DPP4: variants seen among roughly 807,000 people sequenced by gnomAD.
DPP4 encodes the protein ADCP-2.
Under a neutral mutation model 122.4 loss-of-function variants are expected in DPP4, and 93 were observed. That is an observed-to-expected ratio of 0.76 (90% CI 0.64 to 0.90). The LOEUF (loss-of-function observed/expected upper bound fraction) is 0.90, where lower values mean the gene tolerates loss of function less well. DPP4 is among the 40% of genes least tolerant of loss of function. The pLI is 0.00. For synonymous variants in DPP4, 321 were observed against 302.9 expected (o/e 1.06, Z -0.62); for missense variants, 914 against 907.3 (o/e 1.01, Z -0.09).
chr2:162,015,311 A>G (rs1055723053), intron 18 of DPP4, among the ~76,000 whole-genome samples: 3 of 152,212 alleles, frequency 2.0e-5, no homozygotes, highest in African/African-American at 7.2e-5. Flanking sequence ...TGAAAAGAAA[A>G]GAAAGATTTG....
chr2:162,020,318 C>CAAA, intron 13 of DPP4, 22 bp from the exon 14 acceptor site: 39 of 949,986 alleles, frequency 4.1e-5, no homozygotes, highest in Admixed American at 1.8e-4. Context: ...TTTTTTTTTT[C>CAAA]AAAAAAAAAA....
rs780145932 is a variant in DPP4, at chr2:161,995,037, G to T, written c.2126-3C>A. ...TGACTGCTGAAAGTGAACGTTATCT[G>T]CAGGGAGAGAAAGGAAACATAAAGT... On this transcript the variant is annotated splice_polypyrimidine_tract_variant and splice_region_variant and intron_variant, in intron 24 of 25. Coordinates refer to ENST00000360534, the MANE Select transcript of DPP4 (RefSeq NM_001935.4). 13 of 1,613,970 alleles carry T rather than the reference G, an allele frequency of 8.1e-6. 1 individual carries two copies. Among genetic ancestry groups the T allele is most frequent in the Non-Finnish European group, 9.3e-6 (11 of 1,179,934 alleles).
chr2:162,005,947 T>C (rs754215717), intron 22 of DPP4, 138 bp from the exon 23 acceptor site: 35 of 741,556 alleles, frequency 4.7e-5, no homozygotes, highest in Non-Finnish European at 6.1e-5. Context: ...AGTATCTCTA[T>C]GTGGTTATGA....
At chr2:162,014,949 A>AGTCATCCC (rs1682856122) in intron 18 of DPP4, among the ~76,000 whole-genome samples, 2 of 152,220 alleles carry the variant, frequency 1.3e-5, no homozygotes, top group African/African-American at 4.8e-5. Flanking sequence ...CCAGACCGCA[A>AGTCATCCC]AGCTGAGTTC....
chr2:162,046,656 A>G (rs913477521), intron 4 of DPP4: 1 of 551,970 alleles, frequency 1.8e-6, no homozygotes, highest in African/African-American at 1.9e-5. Flanking sequence ...GAGCATGCAA[A>G]GTGAAGAGGG....
intron 16 of DPP4, among the ~76,000 whole-genome samples, chr2:162,018,261 T>G (rs1682992949): frequency 6.6e-6 from 1 of 152,234 alleles, no homozygotes; most frequent in Admixed American, 6.5e-5. Context: ...TTTTGAATCC[T>G]GTTGTGCCTG....
At position 162,047,291 on chromosome 2, in the gene DPP4, T is replaced by C. The variant is rs539011345; in HGVS notation, c.193+112A>G. On this transcript the variant is annotated intron_variant, in intron 3 of 25. Coordinates refer to ENST00000360534, the MANE Select transcript of DPP4 (RefSeq NM_001935.4). ...AGAAAAAGAAAAAAAAAACTCTCTA[T>C]AGAATTTTTAAAAACAAGGATTACC... 3.2e-5 allele frequency: 19 copies of C among 597,404 alleles called. 1 individual carries two copies. The South Asian group carries it at 6.3e-4, about 20-fold the overall frequency. The allele number at this position is 597,404 out of a possible 1,614,324, so 37.0% of individuals were successfully genotyped here.
Position 162,011,899 on chromosome 2 carries a change from C to G in DPP4, c.1726G>C (p.Ala576Pro). 6.2e-7 allele frequency: 1 copy of G among 1,613,802 alleles called. No individual in the cohort carries two copies. Residue 576 changes from alanine to proline, a missense_variant, in exon 20 of 26, where the codon GCT becomes CCT. Ala to Pro is a conservative substitution (Grantham distance 27). Transcript: ENST00000360534. The stretch of plus-strand genomic sequence containing the variant: ...CCACTTCCTCTGCCATCAAAGCTAG[C>G]TACTATAATGTTTTCTGTGCTTGCA... ...YLASTENIIVASFDGRGSGYQ... is the reference protein window; with the variant it reads ...YLASTENIIVPSFDGRGSGYQ...
chr2:162,074,091 C>T lies in DPP4; in HGVS notation c.-110G>A, dbSNP rs200292070. 1.8e-5 allele frequency: 27 copies of T among 1,489,994 alleles called. No individual in the cohort carries two copies. The highest frequency in any genetic ancestry group is 2.3e-5 in the Non-Finnish European group (26 of 1,119,680). 92.3% of individuals were successfully genotyped at this position (1,489,994 alleles called of 1,614,324 possible). On this transcript the variant is annotated 5_prime_UTR_variant, in exon 1 of 26. Transcript: ENST00000360534. The stretch of plus-strand genomic sequence containing the variant: ...CGCTGCTCCGGGCGGTGGAGTCACT[C>T]GCCGCTGGCAAGTTTCGGCCCCGAG...
chr2:162,071,921 G>A (rs1429211274), intron 2 of DPP4, among the ~76,000 whole-genome samples: 1 of 152,192 alleles, frequency 6.6e-6, no homozygotes. Context: ...TTTAACGGAA[G>A]TTCTGATAAT....
At chr2:162,016,907 G>GA (rs1559710051) in intron 17 of DPP4, 41 bp from the exon 18 acceptor site, 1 of 1,565,316 alleles carries the variant, frequency 6.4e-7, no homozygotes, top group Admixed American at 1.8e-5. Context: ...ATTACAATGT[G>GA]AAAAATGTGG....
At chr2:162,044,435 T>C (rs566675703) in intron 5 of DPP4, among the ~76,000 whole-genome samples, 1 of 149,694 alleles carries the variant, frequency 6.7e-6, no homozygotes, top group Non-Finnish European at 1.5e-5. Flanking sequence ...GGTGGGTGAG[T>C]GTTGGTGTGT....
chr2:162,020,763 T>C (rs1273864663), intron 12 of DPP4, 75 bp from the exon 13 acceptor site: 19 of 1,002,630 alleles, frequency 1.9e-5, no homozygotes, highest in Non-Finnish European at 2.7e-5. Context: ...TTTTAGAAAG[T>C]CCTGTCCAAT....
chr2:162,039,939 A>G (rs2106125572), intron 5 of DPP4, among the ~76,000 whole-genome samples: 1 of 152,232 alleles, frequency 6.6e-6, no homozygotes, highest in African/African-American at 2.4e-5. Flanking sequence ...GTAAAACAGC[A>G]CAAATGACTG....
At chr2:162,036,341 T>C (rs966094075) in intron 8 of DPP4, among the ~76,000 whole-genome samples, 2 of 152,240 alleles carry the variant, frequency 1.3e-5, no homozygotes, top group Non-Finnish European at 2.9e-5. Context: ...ATAATTACTG[T>C]AATAAAATGT....
intron 9 of DPP4, 146 bp from the exon 10 acceptor site, chr2:162,033,799 A>C: frequency 2.0e-6 from 1 of 502,632 alleles, no homozygotes; most frequent in East Asian, 3.8e-5. Context: ...ATATACATAA[A>C]ATGAACATAA....
Position 162,017,096 on chromosome 2 carries a change from A to G in DPP4, c.1468+12T>C. 6.2e-7 allele frequency: 1 copy of G among 1,610,380 alleles called. No homozygotes were observed. Among genetic ancestry groups the G allele is most frequent in the Non-Finnish European group, 8.5e-7 (1 of 1,178,344 alleles). On this transcript the variant is annotated intron_variant, in intron 17 of 25. Transcript: ENST00000360534. ...CTTAGAAACAAATGAAGAGTAAAAT[A>G]TGAGAAAATACCTTTATCATTCACG...
intron 5 of DPP4, among the ~76,000 whole-genome samples, chr2:162,044,019 C>A (rs1167536753): frequency 6.6e-6 from 1 of 151,996 alleles, no homozygotes; most frequent in African/African-American, 2.4e-5. Flanking sequence ...CAGAATGAGA[C>A]CTTGTCTCAA....
intron 2 of DPP4, among the ~76,000 whole-genome samples, chr2:162,059,149 G>C (rs1158537315): frequency 6.6e-6 from 1 of 152,188 alleles, no homozygotes; most frequent in African/African-American, 2.4e-5. Context: ...ACACTGCCTG[G>C]TTCCCTCTGC....
Sources: allele counts gnomAD v4.1 joint callset (sites outside exome capture counted in the v4.1 genomes callset), GRCh38; gene constraint gnomAD v4.1.1; transcripts MANE v1.5; gene names NCBI Gene and HGNC (gene_info 2026-07-23, HGNC 2026-07-21).